The following CLSTN2 variants were observed in gnomAD, a reference collection of about 807,000 sequenced individuals.
CLSTN2 encodes calsyntenin 2.
Under a neutral mutation model 101.2 loss-of-function variants are expected in CLSTN2, and 48 were observed. The ratio of observed to expected loss-of-function variants is 0.47; its 90% CI spans 0.38 to 0.60. The LOEUF (loss-of-function observed/expected upper bound fraction) is 0.60. CLSTN2 is among the 20% of genes least tolerant of loss of function. CLSTN2 has a pLI of 0.00. For missense variants in CLSTN2, 1,160 were observed against 1,238.2 expected, an observed-to-expected ratio of 0.94 and a Z score of 0.95; for synonymous variants, 481 against 463.6, an observed-to-expected ratio of 1.04 and a Z score of -0.48.
At chr3:140,219,843 G>C (rs560983296) in intron 2 of CLSTN2, among the ~76,000 whole-genome samples, 250 of 152,136 alleles carry the variant, frequency 1.6e-3, no homozygotes, top group Non-Finnish European at 1.9e-3. Flanking sequence ...CAGCATCATC[G>C]CTATCATACC....
At chr3:139,953,676 A>T (rs975014223) in intron 1 of CLSTN2, among the ~76,000 whole-genome samples, 1 of 152,068 alleles carries the variant, frequency 6.6e-6, no homozygotes, top group Non-Finnish European at 1.5e-5. Flanking sequence ...AGGTGGGAGG[A>T]TGACTGAGGT....
At chr3:140,192,946 T>C (rs189605760) in intron 2 of CLSTN2, among the ~76,000 whole-genome samples, 1 of 152,046 alleles carries the variant, frequency 6.6e-6, no homozygotes, top group East Asian at 1.9e-4. Flanking sequence ...GTGTATCTTT[T>C]TGTATGGCTT....
chr3:140,163,523 T>G (rs957543317), intron 1 of CLSTN2, among the ~76,000 whole-genome samples: 1 of 151,998 alleles, frequency 6.6e-6, no homozygotes, highest in East Asian at 1.9e-4. Context: ...TGGTGAACCC[T>G]GACTGTTCAT....
intron 2 of CLSTN2, among the ~76,000 whole-genome samples, chr3:140,309,409 C>T (rs1163852049): frequency 6.6e-6 from 1 of 152,022 alleles, no homozygotes; most frequent in African/African-American, 2.4e-5. Flanking sequence ...AGAGGTGGGG[C>T]CAGATTTTGC....
At chr3:140,416,394 C>A (rs545484437) in intron 4 of CLSTN2, among the ~76,000 whole-genome samples, 304 of 152,086 alleles carry the variant, frequency 2.0e-3, no homozygotes, top group African/African-American at 6.7e-3. Context: ...CACACACACA[C>A]AAGAAAGGTA....
chr3:140,516,678 C>A (rs1339132085), intron 8 of CLSTN2, among the ~76,000 whole-genome samples: 1 of 152,090 alleles, frequency 6.6e-6, no homozygotes, highest in Non-Finnish European at 1.5e-5. Context: ...GGGCCCCAAT[C>A]CCTTCCAGCT....
At chr3:140,069,444 G>A (rs1200006705) in intron 1 of CLSTN2, among the ~76,000 whole-genome samples, 3 of 152,186 alleles carry the variant, frequency 2.0e-5, no homozygotes, top group Non-Finnish European at 2.9e-5. Context: ...GTGGGAAGGG[G>A]GAGTGCACAA....
chr3:140,551,506 A>G (rs956843890), intron 10 of CLSTN2, among the ~76,000 whole-genome samples: 8 of 151,966 alleles, frequency 5.3e-5, no homozygotes, highest in Non-Finnish European at 8.8e-5. Flanking sequence ...TTTCATCTCC[A>G]TCATGTGGAA....
chr3:140,493,716 C>A (rs1366498260), intron 8 of CLSTN2, among the ~76,000 whole-genome samples: 1 of 152,182 alleles, frequency 6.6e-6, no homozygotes, highest in Non-Finnish European at 1.5e-5. Flanking sequence ...GCTCTACGAG[C>A]TTTGCCTACA....
intron 1 of CLSTN2, among the ~76,000 whole-genome samples, chr3:140,134,673 G>T (rs1009776572): frequency 4.6e-5 from 7 of 152,096 alleles, no homozygotes; most frequent in Admixed American, 4.6e-4. Flanking sequence ...CCAATTTACA[G>T]ATTTCTCTCA....
At chr3:140,468,166 A>G (rs1193120785) in intron 8 of CLSTN2, among the ~76,000 whole-genome samples, 4 of 152,210 alleles carry the variant, frequency 2.6e-5, no homozygotes, top group Non-Finnish European at 2.9e-5. Context: ...GACATTGTTT[A>G]TTTTATTTCT....
At chr3:140,441,240 C>T (rs2088759745) in intron 5 of CLSTN2, among the ~76,000 whole-genome samples, 1 of 152,206 alleles carries the variant, frequency 6.6e-6, no homozygotes, top group African/African-American at 2.4e-5. Flanking sequence ...CCCACTCTCT[C>T]CCCAGTCTGG....
intron 2 of CLSTN2, among the ~76,000 whole-genome samples, chr3:140,375,810 C>T (rs1042735619): frequency 6.6e-6 from 1 of 151,996 alleles, no homozygotes; most frequent in Non-Finnish European, 1.5e-5. Context: ...CTTACTATTC[C>T]TTTATTGTCT....
intron 8 of CLSTN2, among the ~76,000 whole-genome samples, chr3:140,510,070 A>G (rs1934777844): frequency 6.6e-6 from 1 of 152,222 alleles, no homozygotes. Flanking sequence ...AAATCATCTA[A>G]CACAAAGCTT....
chr3:139,975,697 C>T (rs1935804654), intron 1 of CLSTN2, among the ~76,000 whole-genome samples: 1 of 152,188 alleles, frequency 6.6e-6, no homozygotes, highest in Non-Finnish European at 1.5e-5. Context: ...TATGTCCCAG[C>T]ATCCAGGCCA....
At chr3:140,114,359 G>A (rs1238207505) in intron 1 of CLSTN2, among the ~76,000 whole-genome samples, 3 of 152,062 alleles carry the variant, frequency 2.0e-5, no homozygotes, top group Non-Finnish European at 4.4e-5. Context: ...GCCCCATGGT[G>A]CTCCCGCTGG....
intron 2 of CLSTN2, among the ~76,000 whole-genome samples, chr3:140,214,905 T>A (rs563708527): frequency 6.6e-6 from 1 of 152,370 alleles, no homozygotes; most frequent in South Asian, 2.1e-4. Context: ...ACATAATAAA[T>A]TTAGACTATT....
chr3:140,283,715 A>G (rs1410956119), intron 2 of CLSTN2, among the ~76,000 whole-genome samples: 1 of 152,158 alleles, frequency 6.6e-6, no homozygotes, highest in East Asian at 1.9e-4. Flanking sequence ...TCCTCCTCAG[A>G]CTGAAAATAT....
chr3:139,942,218 C>G (rs890613191), intron 1 of CLSTN2, among the ~76,000 whole-genome samples: 4 of 152,176 alleles, frequency 2.6e-5, no homozygotes, highest in Non-Finnish European at 4.4e-5. Context: ...GAATCGGTTT[C>G]CCTGAAAGCC....
Sources: gnomAD v4.1 joint callset for allele counts (sites outside exome capture counted in the v4.1 genomes callset) on GRCh38, gnomAD v4.1.1 for gene constraint, MANE v1.5 for transcripts, NCBI Gene and HGNC (gene_info 2026-07-23, HGNC 2026-07-21) for gene names.